ERBB4: variants seen among roughly 807,000 people sequenced by gnomAD.
ERBB4 encodes receptor tyrosine-protein kinase erbB-4.
A neutral mutation model predicts 158.0 loss-of-function variants in ERBB4; 42 were observed. That is an observed-to-expected ratio of 0.27 (90% CI 0.21 to 0.34). The LOEUF (loss-of-function observed/expected upper bound fraction) is 0.34. ERBB4 is among the 10% of genes least tolerant of loss of function. The pLI, the probability that ERBB4 is intolerant of heterozygous loss-of-function variation, is 1.00. For missense variants in ERBB4, 1,333 were observed against 1,624.1 expected (o/e 0.82, Z 3.08); for synonymous variants, 583 against 558.7 (o/e 1.04, Z -0.61).
chr2:212,176,257 C>T (rs2081659330), intron 1 of ERBB4, among the ~76,000 whole-genome samples: 1 of 151,844 alleles, frequency 6.6e-6, no homozygotes, highest in African/African-American at 2.4e-5. Context: ...GTCCTCCCCA[C>T]CCCAATTCAG....
intron 3 of ERBB4, among the ~76,000 whole-genome samples, chr2:211,792,588 C>G (rs1378898686): frequency 6.6e-6 from 1 of 151,800 alleles, no homozygotes. Flanking sequence ...CTATCCCATA[C>G]AGACCAAATT....
chr2:212,413,575 G>A (rs1413356860), intron 1 of ERBB4, among the ~76,000 whole-genome samples: 2 of 151,880 alleles, frequency 1.3e-5, no homozygotes, highest in African/African-American at 4.8e-5. Context: ...TACCTTATTT[G>A]TCTTATATGT....
rs1281322132 is a variant in ERBB4 at position 211,923,381 on chromosome 2, T to G, written c.421+24049A>C. On this transcript the variant is annotated intron_variant, in intron 3 of 27. Coordinates refer to ENST00000342788, the MANE Select transcript of ERBB4 (RefSeq NM_005235.3). ...AAAAAAGAGTTTGGTTAAACAATGT[T>G]AAGATGAAATTGAATGAATATGGGA... Among the ~76,000 whole-genome samples, 5 of 152,274 alleles carry G rather than the reference T, an allele frequency of 3.3e-5. No homozygotes were observed. In the East Asian group the frequency reaches 5.8e-4, roughly 18 times the overall value.
At chr2:211,748,183 A>C (rs2075028993) in intron 5 of ERBB4, among the ~76,000 whole-genome samples, 1 of 152,032 alleles carries the variant, frequency 6.6e-6, no homozygotes, top group Admixed American at 6.5e-5. Context: ...GATACATATA[A>C]TCTATACACT....
chr2:211,653,752 G>A (rs2071100694), intron 16 of ERBB4, among the ~76,000 whole-genome samples: 1 of 152,036 alleles, frequency 6.6e-6, no homozygotes, highest in African/African-American at 2.4e-5. Flanking sequence ...TCGGCTCACT[G>A]TAACCTCTGC....
intron 2 of ERBB4, among the ~76,000 whole-genome samples, chr2:212,104,780 C>T (rs1423243664): frequency 1.3e-5 from 2 of 152,012 alleles, no homozygotes; most frequent in Non-Finnish European, 2.9e-5. Flanking sequence ...GAAGTCAAGT[C>T]GATTTGCGCT....
At chr2:211,773,711 GAA>G (rs1491134416) in intron 4 of ERBB4, among the ~76,000 whole-genome samples, 25 of 129,238 alleles carry the variant, frequency 1.9e-4, no homozygotes, top group African/African-American at 6.2e-4. Flanking sequence ...TTATAGTGAA[GAA>G]TATATATATA....
At chr2:211,634,961 CACT>C (rs534949641) in intron 16 of ERBB4, among the ~76,000 whole-genome samples, 18 of 152,126 alleles carry the variant, frequency 1.2e-4, no homozygotes, top group Non-Finnish European at 2.1e-4. Context: ...CATGAGCCAC[CACT>C]CCAGGCCTTG....
chr2:212,351,149 G>A (rs954428231), intron 1 of ERBB4, among the ~76,000 whole-genome samples: 4 of 152,130 alleles, frequency 2.6e-5, no homozygotes, highest in African/African-American at 9.7e-5. Context: ...CCATTAGGGT[G>A]GGTCCTAATC....
At chr2:211,876,721 G>T (rs2078512923) in intron 3 of ERBB4, among the ~76,000 whole-genome samples, 1 of 152,130 alleles carries the variant, frequency 6.6e-6, no homozygotes, top group African/African-American at 2.4e-5. Context: ...GGAATCTTCT[G>T]CAGGCAACGG....
intron 20 of ERBB4, among the ~76,000 whole-genome samples, chr2:211,492,342 C>A (rs2065365023): frequency 6.6e-6 from 1 of 152,072 alleles, no homozygotes; most frequent in Non-Finnish European, 1.5e-5. Context: ...CTTGGCCCTG[C>A]CACTTCTAGT....
At chr2:211,413,850 A>G (rs2063322496) in intron 25 of ERBB4, among the ~76,000 whole-genome samples, 1 of 151,910 alleles carries the variant, frequency 6.6e-6, no homozygotes, top group Admixed American at 6.6e-5. Context: ...AGCTCTCAGC[A>G]AAGAGAGGGG....
At chr2:212,046,803 G>A (rs1013924541) in intron 2 of ERBB4, among the ~76,000 whole-genome samples, 15 of 152,116 alleles carry the variant, frequency 9.9e-5, no homozygotes, top group African/African-American at 3.4e-4. Context: ...CTGTTTGCTG[G>A]TTGTCATGGT....
Position 212,382,962 on chromosome 2 carries a change from C to G in ERBB4, c.82+155487G>C, listed in dbSNP as rs1490099545. On this transcript the variant is annotated intron_variant, in intron 1 of 27. Coordinates refer to ENST00000342788, the MANE Select transcript of ERBB4 (RefSeq NM_005235.3). The stretch of plus-strand genomic sequence containing the variant: ...AGGGTGTTATGTCTCTTTCTGTGAA[C>G]AAGTGGCATTTTTTTTTCTACCTTA... 1.1e-4 allele frequency among the ~76,000 whole-genome samples: 16 copies of G among 151,070 alleles called. 1 individual carries two copies. Among genetic ancestry groups the G allele is most frequent in the Non-Finnish European group, 2.4e-4 (16 of 67,402 alleles).
intron 1 of ERBB4, among the ~76,000 whole-genome samples, chr2:212,521,548 A>G (rs566751026): frequency 6.6e-6 from 1 of 151,956 alleles, no homozygotes; most frequent in East Asian, 1.9e-4. Flanking sequence ...TGATGTTTCT[A>G]TTTTGCCTTT....
intron 2 of ERBB4, among the ~76,000 whole-genome samples, chr2:212,032,069 G>A (rs2076915994): frequency 6.6e-6 from 1 of 152,024 alleles, no homozygotes; most frequent in South Asian, 2.1e-4. Context: ...AAAATATGCT[G>A]TAAATCCAGA....
chr2:211,601,815 TGGAG>T (rs748187362), intron 19 of ERBB4, among the ~76,000 whole-genome samples: 4 of 150,420 alleles, frequency 2.7e-5, no homozygotes, highest in African/African-American at 4.9e-5. Flanking sequence ...GGAGGTGGGA[TGGAG>T]GGAGGGAGGG....
At chr2:211,719,196 A>G (rs1245834781) in intron 7 of ERBB4, among the ~76,000 whole-genome samples, 1 of 152,152 alleles carries the variant, frequency 6.6e-6, no homozygotes, top group Non-Finnish European at 1.5e-5. Flanking sequence ...TGTTAAAAAC[A>G]TTTTCATTGT....
chr2:212,234,667 C>T (rs190283929), intron 1 of ERBB4, among the ~76,000 whole-genome samples: 21 of 152,176 alleles, frequency 1.4e-4, no homozygotes, highest in Non-Finnish European at 2.4e-4. Context: ...TTTTCATGAT[C>T]GCCATTCTAA....
Sources: gnomAD v4.1 joint callset for allele counts (sites outside exome capture counted in the v4.1 genomes callset) on GRCh38, gnomAD v4.1.1 for gene constraint, MANE v1.5 for transcripts, NCBI Gene and HGNC (gene_info 2026-07-23, HGNC 2026-07-21) for gene names.